Variants in SMYD3 observed in about 807,000 individuals in gnomAD.
SMYD3 encodes the protein SET and MYND domain containing 3.
Under a neutral mutation model 57.7 loss-of-function variants are expected in SMYD3, and 36 were observed. The observed-to-expected ratio is 0.62, with a 90% CI of 0.48 to 0.82. The LOEUF (loss-of-function observed/expected upper bound fraction) is 0.82, where lower values mean the gene tolerates loss of function less well. Ranked by LOEUF, SMYD3 falls within the 40% of genes least tolerant of loss-of-function variation. The pLI is 0.00. For missense variants in SMYD3, 515 were observed against 538.8 expected (o/e 0.96, Z 0.44); for synonymous variants, 211 against 195.0 (o/e 1.08, Z -0.68).
chr1:245,931,004 C>T (rs950050836), intron 5 of SMYD3, among the ~76,000 whole-genome samples: 3 of 152,136 alleles, frequency 2.0e-5, no homozygotes, highest in African/African-American at 7.2e-5. Context: ...TAGGAATGCC[C>T]GTGGTAACAG....
chr1:245,955,409 T>G (rs1164631908), intron 5 of SMYD3, among the ~76,000 whole-genome samples: 2 of 152,218 alleles, frequency 1.3e-5, no homozygotes, highest in African/African-American at 2.4e-5. Context: ...TTCTTTTTTT[T>G]TGGCATATGA....
intron 5 of SMYD3, among the ~76,000 whole-genome samples, chr1:246,058,234 T>C (rs565012819): frequency 1.3e-5 from 2 of 152,226 alleles, no homozygotes; most frequent in African/African-American, 2.4e-5. Context: ...TTGGTGATAA[T>C]GAAGAGTCCA....
chr1:246,046,732 T>C (rs1350404489), intron 5 of SMYD3, among the ~76,000 whole-genome samples: 2 of 150,036 alleles, frequency 1.3e-5, no homozygotes. Flanking sequence ...GTGATCTTTA[T>C]TTACAGATAA....
intron 5 of SMYD3, among the ~76,000 whole-genome samples, chr1:246,169,644 C>T (rs1032793096): frequency 1.3e-5 from 2 of 152,016 alleles, no homozygotes; most frequent in East Asian, 1.9e-4. Context: ...TGCGGTGGCT[C>T]GGGCCTGTAA....
chr1:246,039,723 G>A (rs751323507), intron 5 of SMYD3, among the ~76,000 whole-genome samples: 1 of 152,206 alleles, frequency 6.6e-6, no homozygotes, highest in Non-Finnish European at 1.5e-5. Flanking sequence ...AGGGTAGTAA[G>A]GAGGGGAGAA....
At chr1:246,022,301 G>A (rs887257744) in intron 5 of SMYD3, among the ~76,000 whole-genome samples, 3 of 152,110 alleles carry the variant, frequency 2.0e-5, no homozygotes, top group Non-Finnish European at 2.9e-5. Context: ...ATCTCTATAC[G>A]AAGATGTTCA....
intron 2 of SMYD3, among the ~76,000 whole-genome samples, chr1:246,347,228 A>G (rs564972326): frequency 6.6e-6 from 1 of 152,210 alleles, no homozygotes; most frequent in Non-Finnish European, 1.5e-5. Context: ...ATATGTCAGA[A>G]GAAGAATAAA....
rs984868185 is a variant in SMYD3, at chr1:246,317,545, G to A, written c.531+9656C>T. ...TGTGAAAATTACATGAAAAATCAGT[G>A]TTCAGTGTCAATGTTTCTTTGGTAT... On this transcript the variant is annotated intron_variant, in intron 5 of 11. Coordinates refer to ENST00000490107, the MANE Select transcript of SMYD3 (RefSeq NM_001167740.2). Among the ~76,000 whole-genome samples, 3 of 152,166 alleles carry A rather than the reference G, an allele frequency of 2.0e-5. No homozygotes were observed. The East Asian group carries it at 5.8e-4, about 29-fold the overall frequency.
intron 5 of SMYD3, among the ~76,000 whole-genome samples, chr1:245,949,473 T>C (rs1203820924): frequency 6.6e-6 from 1 of 151,822 alleles, no homozygotes; most frequent in Non-Finnish European, 1.5e-5. Context: ...AAAAAAATCA[T>C]ATGGAGACTA....
intron 5 of SMYD3, among the ~76,000 whole-genome samples, chr1:246,219,260 C>A (rs1246614772): frequency 1.3e-5 from 2 of 151,974 alleles, no homozygotes; most frequent in Non-Finnish European, 2.9e-5. Flanking sequence ...CCTATAAAAA[C>A]CCCAGATCCA....
At chr1:245,762,221 T>C (rs955839160) in intron 11 of SMYD3, among the ~76,000 whole-genome samples, 2 of 152,166 alleles carry the variant, frequency 1.3e-5, no homozygotes, top group African/African-American at 4.8e-5. Context: ...ACTTTCCAAA[T>C]AGGAATGAAA....
At position 246,137,132 on chromosome 1, in the gene SMYD3, TATTC is replaced by T. The variant is rs541669482; in HGVS notation, c.531+190065_531+190068del. Among the ~76,000 whole-genome samples, 445 of 152,306 alleles carry T rather than the reference TATTC, an allele frequency of 2.9e-3. 2 individuals are homozygous for T. Among genetic ancestry groups the T allele is most frequent in the Middle Eastern group, 6.8e-3 (2 of 294 alleles). On this transcript the variant is annotated intron_variant, in intron 5 of 11. Transcript: ENST00000490107. ...TTGTTATATAAGTCACGTGCTGTAATATTCATGCTTCTAAAGTATACAATTCAGT... is the reference window on the plus strand; with the variant it reads ...TTGTTATATAAGTCACGTGCTGTAATATGCTTCTAAAGTATACAATTCAGT...
chr1:246,473,706 G>A (rs1426613252), intron 1 of SMYD3, among the ~76,000 whole-genome samples: 1 of 152,192 alleles, frequency 6.6e-6, no homozygotes, highest in African/African-American at 2.4e-5. Flanking sequence ...TACAGTATAA[G>A]AGAAGAGGCG....
intron 11 of SMYD3, among the ~76,000 whole-genome samples, chr1:245,757,713 A>G (rs2045668430): frequency 6.6e-6 from 1 of 152,146 alleles, no homozygotes; most frequent in South Asian, 2.1e-4. Context: ...CTTGGCATCC[A>G]TGTTGAAAAT....
At chr1:246,019,352 G>C (rs2059430243) in intron 5 of SMYD3, among the ~76,000 whole-genome samples, 1 of 152,192 alleles carries the variant, frequency 6.6e-6, no homozygotes, top group Non-Finnish European at 1.5e-5. Context: ...CGCTGCTCTG[G>C]AGTCTCTCAA....
intron 10 of SMYD3, among the ~76,000 whole-genome samples, chr1:245,776,167 A>G (rs2046582708): frequency 6.6e-6 from 1 of 152,152 alleles, no homozygotes; most frequent in South Asian, 2.1e-4. Flanking sequence ...ATCCTTCACA[A>G]TATGTGATTT....
At chr1:246,385,465 C>T (rs1479064804) in intron 1 of SMYD3, among the ~76,000 whole-genome samples, 2 of 151,608 alleles carry the variant, frequency 1.3e-5, no homozygotes, top group Non-Finnish European at 2.9e-5. Flanking sequence ...AAATATTAAG[C>T]CTTACTGCAT....
chr1:246,279,546 G>T (rs1429321350), intron 5 of SMYD3, among the ~76,000 whole-genome samples: 1 of 151,990 alleles, frequency 6.6e-6, no homozygotes, highest in African/African-American at 2.4e-5. Context: ...CAAAAAAAAA[G>T]ATTGTTGAGA....
At chr1:245,959,258 G>A (rs993428273) in intron 5 of SMYD3, among the ~76,000 whole-genome samples, 8 of 152,102 alleles carry the variant, frequency 5.3e-5, no homozygotes, top group African/African-American at 1.9e-4. Context: ...CACCATGCCC[G>A]GCCAAGAGCT....
Sources: allele counts gnomAD v4.1 joint callset (sites outside exome capture counted in the v4.1 genomes callset), GRCh38; gene constraint gnomAD v4.1.1; transcripts MANE v1.5; gene names NCBI Gene and HGNC (gene_info 2026-07-23, HGNC 2026-07-21).